The following MYO5B variants were observed in gnomAD, a reference collection of about 807,000 sequenced individuals.
The protein encoded by MYO5B is unconventional myosin-Vb.
A neutral mutation model predicts 229.3 loss-of-function variants in MYO5B; 143 were observed. That is an observed-to-expected ratio of 0.62 (90% CI 0.54 to 0.72). The LOEUF (loss-of-function observed/expected upper bound fraction) is 0.72, where lower values mean the gene tolerates loss of function less well. MYO5B is among the 30% of genes least tolerant of loss of function. The probability of loss-of-function intolerance (pLI) is 0.00; values close to 1 mark genes in which losing one functional copy is unlikely to be tolerated. For synonymous variants in MYO5B, 918 were observed against 885.2 expected (o/e 1.04, Z -0.66); for missense variants, 2,321 against 2,331.0 (o/e 1.00, Z 0.09).
chr18:50,100,385 G>A (rs1046309728), intron 1 of MYO5B, among the ~76,000 whole-genome samples: 1 of 152,170 alleles, frequency 6.6e-6, no homozygotes, highest in Non-Finnish European at 1.5e-5. Context: ...AAGACTCCCA[G>A]CTTCCTTTGG....
intron 4 of MYO5B, among the ~76,000 whole-genome samples, chr18:50,030,876 G>GAAAAAAAAAAAAAAAAAAAAAAA (rs869189090): frequency 4.9e-4 from 15 of 30,500 alleles, no homozygotes; most frequent in East Asian, 1.5e-3. Context: ...CTCCCTTTCA[G>GAAAAAAAAAAAAAAAAAAAAAAA]AAAAAAAAAA....
At chr18:50,153,444 G>C (rs1568126583) in intron 1 of MYO5B, among the ~76,000 whole-genome samples, 1 of 151,978 alleles carries the variant, frequency 6.6e-6, no homozygotes, top group African/African-American at 2.4e-5. Flanking sequence ...ATGAGACATG[G>C]GAGAAATATT....
chr18:49,875,960 A>T, intron 25 of MYO5B, 133 bp from the exon 26 acceptor site: 1 of 1,068,512 alleles, frequency 9.4e-7, no homozygotes, highest in East Asian at 2.5e-5. Flanking sequence ...TTGCATCTCA[A>T]ATACAAAGCC....
intron 1 of MYO5B, among the ~76,000 whole-genome samples, chr18:50,109,835 A>G (rs985569767): frequency 1.3e-5 from 2 of 152,180 alleles, no homozygotes; most frequent in Admixed American, 1.3e-4. Context: ...ACCGCCCTCC[A>G]TACTACAACA....
chr18:50,026,075 C>G lies in MYO5B; in HGVS notation c.455+10775G>C, dbSNP rs73444729. Among the ~76,000 whole-genome samples the G allele has an allele frequency of 9.2e-3, 1,397 of 152,244 alleles. 19 individuals are homozygous for G. The highest frequency in any genetic ancestry group is 0.032 in the African/African-American group (1,331 of 41,546). ...ACTCTAGTGAATCATCTTCCAAAAA[C>G]TAGTACACCCCAGCAGTTTGAAGAT... On this transcript the variant is annotated intron_variant, in intron 4 of 39. Transcript: ENST00000285039.
intron 4 of MYO5B, among the ~76,000 whole-genome samples, chr18:50,025,102 G>A (rs2026316954): frequency 6.6e-6 from 1 of 152,148 alleles, no homozygotes; most frequent in Non-Finnish European, 1.5e-5. Context: ...CAAGACTATA[G>A]CTCCCGTTCA....
At chr18:49,888,168 T>C (rs1352838923) in intron 22 of MYO5B, among the ~76,000 whole-genome samples, 1 of 152,086 alleles carries the variant, frequency 6.6e-6, no homozygotes, top group Non-Finnish European at 1.5e-5. Context: ...GGCTGGACAA[T>C]TCTTTCTTGG....
chr18:49,914,399 TAA>T (rs1298751371), intron 17 of MYO5B, among the ~76,000 whole-genome samples: 1 of 152,108 alleles, frequency 6.6e-6, no homozygotes, highest in Non-Finnish European at 1.5e-5. Flanking sequence ...TTCGAGATAT[TAA>T]AAGAGAGTAA....
chr18:49,912,904 A>G (rs144207617), intron 17 of MYO5B, among the ~76,000 whole-genome samples: 1 of 152,258 alleles, frequency 6.6e-6, no homozygotes, highest in East Asian at 1.9e-4. Flanking sequence ...TTCTTATAGA[A>G]TACTGCTCAT....
chr18:50,072,831 G>A (rs1224917645), intron 1 of MYO5B, among the ~76,000 whole-genome samples: 1 of 151,990 alleles, frequency 6.6e-6, no homozygotes, highest in Non-Finnish European at 1.5e-5. Flanking sequence ...GAGGAAGGAA[G>A]AGTCCAGGAG....
In MYO5B at chr18:49,875,817, A is replaced by C. The variant is rs760437561; in HGVS notation, c.3407T>G (p.Leu1136Arg). The change falls in exon 26 of 40, where the codon CTG (leucine) becomes CGG (arginine). Residue 1136 changes from leucine to arginine, a missense_variant. This residue lies in a region of MYO5B where 2,113 missense variants were observed against 2,044.7 expected (regional missense o/e 1.03). Coordinates refer to ENST00000285039, the MANE Select transcript of MYO5B (RefSeq NM_001080467.3). ...CGTCATGTCCATGGCTGCCTTCTCC[A>C]GGCCAATTTCCTTCAAAGGAAGACA... ...DALQQVEEIGLEKAAMDMTVF... is the reference protein window; with the variant it reads ...DALQQVEEIGREKAAMDMTVF... The C allele has an allele frequency of 1.4e-5, 22 of 1,613,980 alleles. No homozygotes were observed. Among genetic ancestry groups the C allele is most frequent in the Non-Finnish European group, 1.8e-5 (21 of 1,180,020 alleles).
chr18:49,904,001 A>G (rs1234126416), intron 20 of MYO5B, among the ~76,000 whole-genome samples: 1 of 152,236 alleles, frequency 6.6e-6, no homozygotes, highest in Non-Finnish European at 1.5e-5. Flanking sequence ...AATGAGCCCT[A>G]GGTGGGTCAC....
At chr18:50,003,853 A>G (rs2026073039) in intron 4 of MYO5B, among the ~76,000 whole-genome samples, 1 of 152,226 alleles carries the variant, frequency 6.6e-6, no homozygotes, top group Non-Finnish European at 1.5e-5. Flanking sequence ...CAAGTACTTA[A>G]TAAGGATCCA....
chr18:49,901,816 C>T (rs2024844846), intron 21 of MYO5B, among the ~76,000 whole-genome samples: 1 of 152,232 alleles, frequency 6.6e-6, no homozygotes. Context: ...CCACTGCCAC[C>T]TGTGTGACTT....
intron 19 of MYO5B, among the ~76,000 whole-genome samples, chr18:49,906,203 A>G (rs1389299573): frequency 6.6e-6 from 1 of 152,148 alleles, no homozygotes; most frequent in Non-Finnish European, 1.5e-5. Context: ...AGCCTGGGGA[A>G]ACCAGGAGAT....
chr18:49,858,236 T>C (rs1371651839), intron 29 of MYO5B, among the ~76,000 whole-genome samples: 1 of 152,218 alleles, frequency 6.6e-6, no homozygotes, highest in Non-Finnish European at 1.5e-5. Flanking sequence ...CCCAAACTCA[T>C]AACTCAGCAT....
At chr18:50,029,390 T>C (rs995344739) in intron 4 of MYO5B, among the ~76,000 whole-genome samples, 2 of 152,134 alleles carry the variant, frequency 1.3e-5, no homozygotes, top group African/African-American at 4.8e-5. Context: ...GGAGAAGAGA[T>C]TAAAAACCAT....
At chr18:49,908,463 T>G (rs2024924109) in intron 18 of MYO5B, among the ~76,000 whole-genome samples, 1 of 152,136 alleles carries the variant, frequency 6.6e-6, no homozygotes, top group East Asian at 1.9e-4. Context: ...AACTGAAGCC[T>G]AGAGTAGTGA....
At chr18:50,179,810 C>T (rs964235283) in intron 1 of MYO5B, among the ~76,000 whole-genome samples, 3 of 152,186 alleles carry the variant, frequency 2.0e-5, no homozygotes, top group Non-Finnish European at 4.4e-5. Context: ...GCCTCATCTC[C>T]CTTAATGCCT....
Sources: gnomAD v4.1 joint callset for allele counts (sites outside exome capture counted in the v4.1 genomes callset) on GRCh38, gnomAD v4.1.1 for gene constraint, gnomAD v4.1.1 regional missense constraint, MANE v1.5 for transcripts, NCBI Gene and HGNC (gene_info 2026-07-23, HGNC 2026-07-21) for gene names.